Variants in TBC1D10A observed in about 807,000 individuals in gnomAD.
TBC1D10A encodes the protein TBC1 domain family member 10A.
A neutral mutation model predicts 52.9 loss-of-function variants in TBC1D10A; 24 were observed. That is an observed-to-expected ratio of 0.45 (90% CI 0.33 to 0.64). TBC1D10A has a LOEUF of 0.64. Among genes scored for constraint, TBC1D10A ranks in the 30% least tolerant of loss-of-function variants. The pLI, the probability that TBC1D10A is intolerant of heterozygous loss-of-function variation, is 0.02. For synonymous variants in TBC1D10A, 278 were observed against 282.9 expected (o/e 0.98, Z 0.17); for missense variants, 602 against 687.9 (o/e 0.88, Z 1.40).
chr22:30,299,841 C>A (rs1207150469), intron 2 of TBC1D10A: 6 of 258,788 alleles, frequency 2.3e-5, no homozygotes, highest in Non-Finnish European at 3.8e-5. Context: ...GTGGCGGGCG[C>A]CTGTAATCCT....
At chr22:30,300,685 A>T (rs2145768177) in intron 2 of TBC1D10A, 1 of 152,308 alleles carries the variant, frequency 6.6e-6, no homozygotes, top group Non-Finnish European at 1.5e-5. Flanking sequence ...ATCTCAGCAG[A>T]ACTCTGAAGG....
chr22:30,299,965 C>CA (rs796843121), intron 2 of TBC1D10A, among the ~76,000 whole-genome samples: 101 of 128,964 alleles, frequency 7.8e-4, no homozygotes, highest in Admixed American at 1.4e-3. Flanking sequence ...AACTCTGTCT[C>CA]AAAAAAAAAA....
Position 30,292,074 on chromosome 22 carries a change from C to T in TBC1D10A, c.*301G>A. 1 of 364,254 alleles carries T rather than the reference C, an allele frequency of 2.7e-6. No individual in the cohort carries two copies. Among genetic ancestry groups the T allele is most frequent in the East Asian group, 4.3e-5 (1 of 23,136 alleles). The allele number at this position is 364,254 out of a possible 1,614,324, so 22.6% of individuals were successfully genotyped here. A position where few individuals can be genotyped will look rare whatever the true frequency, so the allele number is the denominator to read the frequency against. On this transcript the variant is annotated 3_prime_UTR_variant, in exon 9 of 9. Transcript: ENST00000215790. ...ACCCCACCCTTTCCCCTCACACCAGCACCCTAACCCTGGGGAGCATCCCCC... is the reference window on the plus strand; with the variant it reads ...ACCCCACCCTTTCCCCTCACACCAGTACCCTAACCCTGGGGAGCATCCCCC...
intron 2 of TBC1D10A, 197 bp from the exon 3 acceptor site, chr22:30,299,748 CCT>C: frequency 2.1e-6 from 1 of 467,306 alleles, no homozygotes; most frequent in Non-Finnish European, 3.9e-6. Context: ...GGGTGGATCA[CCT>C]GAGTTCAGGA....
At position 30,304,565 on chromosome 22, in the gene TBC1D10A, T is replaced by C. The variant is rs777888428; in HGVS notation, c.275A>G (p.Asn92Ser). 1 of 1,614,088 alleles carries C rather than the reference T, an allele frequency of 6.2e-7. No individual in the cohort carries two copies. Among genetic ancestry groups the C allele is most frequent in the South Asian group, 1.1e-5 (1 of 91,070 alleles). The change falls in exon 2 of 9, where the codon AAC becomes AGC. Residue 92 changes from asparagine to serine, a missense_variant. By Grantham distance (46) the Asn-to-Ser change is conservative. This residue lies in a region of TBC1D10A where 201 missense variants were observed against 204.4 expected (regional missense o/e 0.98). Transcript: ENST00000215790. ...CTTCTTGGCCATCCATTTGTCCCAGTTGTTGAGCATGTCCAGCCACTTGGA... is the reference window on the plus strand; with the variant it reads ...CTTCTTGGCCATCCATTTGTCCCAGCTGTTGAGCATGTCCAGCCACTTGGA... ...RESKWLDMLN[N>S]WDKWMAKKHK...
rs531403083 is a variant in TBC1D10A, at chr22:30,292,633, G to A, written c.1269C>T (p.Ala423=). The change falls in exon 9 of 9, where the codon GCC becomes GCT. Residue 423 remains alanine (A), a synonymous_variant. Coordinates refer to ENST00000215790, the MANE Select transcript of TBC1D10A (RefSeq NM_031937.3). The part of the protein sequence containing the change: ...PLDAPLPGSK[A]KPKPPKQAQK... ...GGGCCTGCTTGGGTGGCTTGGGCTT[G>A]GCTTTGGAGCCAGGGAGGGGGGCAT... 2 of 1,612,882 alleles carry A rather than the reference G, an allele frequency of 1.2e-6. No homozygotes were observed. Among genetic ancestry groups the A allele is most frequent in the African/African-American group, 2.7e-5 (2 of 74,974 alleles).
chr22:30,326,339 T>C (rs896869563), intron 1 of TBC1D10A, among the ~76,000 whole-genome samples: 13 of 151,076 alleles, frequency 8.6e-5, no homozygotes, highest in African/African-American at 2.9e-4. Flanking sequence ...CCTAAGGTCT[T>C]GGCGGCAGGG....
chr22:30,317,359 A>T (rs1403036533), intron 1 of TBC1D10A, among the ~76,000 whole-genome samples: 2 of 152,176 alleles, frequency 1.3e-5, no homozygotes, highest in Non-Finnish European at 2.9e-5. Flanking sequence ...GTGAGCCAAG[A>T]TCAATTGTGC....
At chr22:30,303,834 G>A (rs1197333447) in intron 2 of TBC1D10A, among the ~76,000 whole-genome samples, 1 of 152,230 alleles carries the variant, frequency 6.6e-6, no homozygotes, top group East Asian at 1.9e-4. Context: ...TAAGAGTGGT[G>A]GGCAAGAATG....
At chr22:30,300,291 T>C (rs992630869) in intron 2 of TBC1D10A, among the ~76,000 whole-genome samples, 26 of 151,188 alleles carry the variant, frequency 1.7e-4, no homozygotes, top group African/African-American at 4.9e-4. Context: ...CTACTAAAAA[T>C]ACAAAAAATT....
At position 30,292,802 on chromosome 22, in the gene TBC1D10A, A is replaced by G. The variant is rs1437566367; in HGVS notation, c.1100T>C (p.Ile367Thr). ...GGTCTCCTGCCAGCGCCGCAGCTGA[A>G]TGAGGTGTTCGCGCTCAATCTGGCG... ...TERQIEREHL[I>T]QLRRWQETRG... Residue 367 changes from isoleucine (I) to threonine (T), a missense_variant, in exon 9 of 9, where the codon ATT (isoleucine) becomes ACT (threonine). Physicochemically the swap from Ile to Thr is moderately conservative, Grantham distance 89 (BLOSUM62 -1). Coordinates refer to ENST00000215790, the MANE Select transcript of TBC1D10A (RefSeq NM_031937.3). 8 of 1,611,874 alleles carry G rather than the reference A, an allele frequency of 5.0e-6. No homozygotes were observed. In the African/African-American group the frequency reaches 1.1e-4, roughly 22 times the overall value.
rs866175382 is a variant in TBC1D10A at position 30,292,419 on chromosome 22, G to A, written c.1483C>T (p.Gln495Ter). ...CTCTCTTGGGACGTCAAGCTCTCCT[G>A]GGAGCGGTGGTGGGCTGAGACCTGG... ...APQVSAHHRS[Q>*]ESLTSQESED... Residue 495 changes from glutamine to a stop codon, truncating the protein, a stop_gained, in exon 9 of 9, where the codon CAG becomes TAG. Transcript: ENST00000215790. LOFTEE classifies it high-confidence loss of function. 6.3e-7 allele frequency: 1 copy of A among 1,589,820 alleles called. No individual in the cohort carries two copies.
chr22:30,325,540 C>A (rs149919905), intron 1 of TBC1D10A, among the ~76,000 whole-genome samples: 1 of 152,234 alleles, frequency 6.6e-6, no homozygotes, highest in African/African-American at 2.4e-5. Flanking sequence ...GTTCTGTGCA[C>A]AACACTGGTC....
At chr22:30,295,353 C>A (rs1416875064) in intron 4 of TBC1D10A, among the ~76,000 whole-genome samples, 1 of 152,188 alleles carries the variant, frequency 6.6e-6, no homozygotes, top group East Asian at 1.9e-4. Flanking sequence ...GAAGTAGGGG[C>A]CCCTCACTCA....
Position 30,297,046 on chromosome 22 carries a change from C to G in TBC1D10A, c.418-1203G>C, listed in dbSNP as rs1328061801. On this transcript the variant is annotated intron_variant, in intron 3 of 8. Transcript: ENST00000215790. This position sits in a 1 kb window ranked among gnomAD's most constrained non-coding sequence, Gnocchi z 4.3. ...GGCGCAGACACAGGCCCTGCCCTGACGAGCAGGTGACTTCATACAAGCCCC... is the reference window on the plus strand; with the variant it reads ...GGCGCAGACACAGGCCCTGCCCTGAGGAGCAGGTGACTTCATACAAGCCCC... 1 of 152,248 alleles carries G rather than the reference C, an allele frequency of 6.6e-6. No homozygotes were observed. 9.4% of individuals were successfully genotyped at this position (152,248 alleles called of 1,614,324 possible). A position where few individuals can be genotyped will look rare whatever the true frequency, so the allele number is the denominator to read the frequency against.
intron 1 of TBC1D10A, among the ~76,000 whole-genome samples, chr22:30,314,252 G>C (rs935673400): frequency 2.6e-5 from 4 of 152,216 alleles, no homozygotes; most frequent in Admixed American, 2.6e-4. Flanking sequence ...GGTATACACA[G>C]CCTTGCTCCT....
intron 1 of TBC1D10A, 83 bp downstream of exon 1, chr22:30,326,590 G>T: frequency 7.4e-7 from 1 of 1,359,088 alleles, no homozygotes; most frequent in African/African-American, 1.5e-5. Context: ...GGGACGTGTC[G>T]GCAAGTCCCG....
chr22:30,315,118 C>A (rs944998777), intron 1 of TBC1D10A, among the ~76,000 whole-genome samples: 8 of 152,226 alleles, frequency 5.3e-5, no homozygotes, highest in African/African-American at 1.9e-4. Context: ...CCTGCCCTGG[C>A]AGGCCAGGAA....
intron 1 of TBC1D10A, among the ~76,000 whole-genome samples, chr22:30,308,920 G>A (rs1930371657): frequency 1.3e-5 from 2 of 152,202 alleles, no homozygotes; most frequent in Non-Finnish European, 2.9e-5. Flanking sequence ...GATCAGAAAG[G>A]TTGTATGACT....
Sources: gnomAD v4.1 joint callset for allele counts (sites outside exome capture counted in the v4.1 genomes callset) on GRCh38, gnomAD v4.1.1 for gene constraint, gnomAD v4.1.1 regional missense constraint, Gnocchi (gnomAD v3.1) non-coding constraint, MANE v1.5 for transcripts, NCBI Gene and HGNC (gene_info 2026-07-23, HGNC 2026-07-21) for gene names.